CTNNA2: variants seen among roughly 807,000 people sequenced by gnomAD.
The protein encoded by CTNNA2 is catenin alpha 2.
In CTNNA2, 42 loss-of-function variants were observed where a neutral mutation model predicts 101.0. That is an observed-to-expected ratio of 0.42 (90% CI 0.32 to 0.54). The LOEUF is 0.54. CTNNA2 is among the 20% of genes least tolerant of loss of function. The pLI, the probability that CTNNA2 is intolerant of heterozygous loss-of-function variation, is 0.14. For missense variants in CTNNA2, 871 were observed against 1,223.1 expected (o/e 0.71, Z 4.29); for synonymous variants, 450 against 456.4 (o/e 0.99, Z 0.18).
chr2:80,555,994 T>C lies in CTNNA2; in HGVS notation c.1741+101T>C, dbSNP rs977020295. On this transcript the variant is annotated intron_variant, in intron 12 of 18. Transcript: ENST00000402739. ...TGATTTCTGTAGGCCTTTATGCTTC[T>C]AAATTGCACATAATTGTGGAATGGG... 2.1e-5 allele frequency: 16 copies of C among 774,008 alleles called. No individual in the cohort carries two copies. In the African/African-American group the frequency reaches 2.3e-4, roughly 11 times the overall value. 47.9% of individuals were successfully genotyped at this position (774,008 alleles called of 1,614,324 possible). A position where few individuals can be genotyped will look rare whatever the true frequency, so the allele number is the denominator to read the frequency against.
intron 7 of CTNNA2, among the ~76,000 whole-genome samples, chr2:79,981,806 A>G (rs577420098): frequency 1.3e-4 from 20 of 152,228 alleles, no homozygotes; most frequent in African/African-American, 4.6e-4. Context: ...ATACCTAACT[A>G]ATGTATGTCC....
intron 4 of CTNNA2, among the ~76,000 whole-genome samples, chr2:79,499,939 C>T (rs529508932): frequency 7.9e-5 from 12 of 152,228 alleles, no homozygotes; most frequent in Non-Finnish European, 1.8e-4. Context: ...AGACCCAGGA[C>T]AGCCGACGGT....
chr2:79,591,951 A>G (rs1208998686), intron 1 of CTNNA2, among the ~76,000 whole-genome samples: 1 of 123,108 alleles, frequency 8.1e-6, no homozygotes, highest in African/African-American at 3.3e-5. Flanking sequence ...TGTCTTTTTT[A>G]CATTCATTTA....
chr2:80,185,446 G>T (rs1190440358), intron 7 of CTNNA2, among the ~76,000 whole-genome samples: 1 of 152,144 alleles, frequency 6.6e-6, no homozygotes, highest in Admixed American at 6.5e-5. Flanking sequence ...CTCAGGAAAA[G>T]GAATTGCAAA....
chr2:80,426,300 T>C (rs1478895546), intron 9 of CTNNA2, among the ~76,000 whole-genome samples: 2 of 152,136 alleles, frequency 1.3e-5, no homozygotes, highest in Admixed American at 1.3e-4. Flanking sequence ...GTAATTTGGG[T>C]ACAAAATATG....
At chr2:79,393,209 G>A (rs751015395) in intron 4 of CTNNA2, among the ~76,000 whole-genome samples, 31 of 152,258 alleles carry the variant, frequency 2.0e-4, no homozygotes, top group Non-Finnish European at 3.8e-4. Context: ...ATCAAAGGAG[G>A]CCACTCATGA....
rs181691407 is a variant in CTNNA2, at chr2:80,520,755, G to A, written c.1291-24227G>A. ...GGGTTTCCACATACTAATTTTGGGG[G>A]TATTGTACTGAGAGACTCTAAAGAG... On this transcript the variant is annotated intron_variant, in intron 9 of 18. Coordinates refer to ENST00000402739, the MANE Select transcript of CTNNA2 (RefSeq NM_001282597.3). 2.6e-5 allele frequency among the ~76,000 whole-genome samples: 4 copies of A among 152,274 alleles called. No homozygotes were observed. In the South Asian group the frequency reaches 8.3e-4, roughly 32 times the overall value.
intron 1 of CTNNA2, among the ~76,000 whole-genome samples, chr2:79,615,571 G>A (rs764270548): frequency 3.5e-4 from 53 of 152,154 alleles, no homozygotes; most frequent in Admixed American, 4.6e-4. Context: ...CCTGATAGGA[G>A]GGAACTGTTT....
At chr2:79,229,438 T>A (rs1450935418) in intron 2 of CTNNA2, among the ~76,000 whole-genome samples, 2 of 152,186 alleles carry the variant, frequency 1.3e-5, no homozygotes, top group Non-Finnish European at 1.5e-5. Flanking sequence ...TGTTTCCTCC[T>A]CATTCTCTCT....
intron 7 of CTNNA2, among the ~76,000 whole-genome samples, chr2:80,146,850 GAGTAACTGGGATTACAGGTTCCCACCAA>G (rs1176417892): frequency 6.9e-5 from 10 of 145,312 alleles, no homozygotes; most frequent in Non-Finnish European, 1.4e-4. Context: ...TCAGCCTCCC[GAGTAACTGGGATTACAGGTTCCCACCAA>G]AGTAACTGGG....
intron 7 of CTNNA2, among the ~76,000 whole-genome samples, chr2:80,328,809 A>G (rs1238316226): frequency 6.6e-6 from 1 of 152,212 alleles, no homozygotes; most frequent in Non-Finnish European, 1.5e-5. Context: ...CCTAGATGGT[A>G]TGTATTTTTT....
intron 9 of CTNNA2, among the ~76,000 whole-genome samples, chr2:80,499,305 G>A (rs1452979951): frequency 6.6e-6 from 1 of 152,156 alleles, no homozygotes; most frequent in African/African-American, 2.4e-5. Flanking sequence ...GTGATGTGCT[G>A]TATCTATGCT....
chr2:79,892,143 A>AT (rs1231470910), intron 6 of CTNNA2, among the ~76,000 whole-genome samples: 1 of 152,120 alleles, frequency 6.6e-6, no homozygotes, highest in Non-Finnish European at 1.5e-5. Context: ...TTTATTTTAC[A>AT]TTTTTACATC....
intron 13 of CTNNA2, chr2:80,579,151 C>T (rs1002924554): frequency 2.6e-5 from 4 of 152,088 alleles, no homozygotes; most frequent in African/African-American, 9.7e-5. Context: ...ACATGCAGGT[C>T]CCCTGAGTCC....
intron 2 of CTNNA2, among the ~76,000 whole-genome samples, chr2:79,240,510 C>T (rs1674613379): frequency 6.6e-6 from 1 of 152,078 alleles, no homozygotes; most frequent in African/African-American, 2.4e-5. Flanking sequence ...AGGATAATGA[C>T]CTCCAGCTCC....
At chr2:80,642,134 G>A (rs182725820) in intron 18 of CTNNA2, among the ~76,000 whole-genome samples, 1 of 152,208 alleles carries the variant, frequency 6.6e-6, no homozygotes, top group Admixed American at 6.5e-5. Flanking sequence ...CGCAATCTAG[G>A]TTGAGAGCAT....
At chr2:80,614,654 G>T (rs980693736) in intron 17 of CTNNA2, among the ~76,000 whole-genome samples, 2 of 151,336 alleles carry the variant, frequency 1.3e-5, no homozygotes, top group Non-Finnish European at 3.0e-5. Flanking sequence ...AGAATAGTCT[G>T]ATTTCATTCC....
At chr2:80,156,708 G>C (rs148391792) in intron 7 of CTNNA2, among the ~76,000 whole-genome samples, 1 of 152,356 alleles carries the variant, frequency 6.6e-6, no homozygotes, top group African/African-American at 2.4e-5. Context: ...ACTATCTGCA[G>C]ACTCAGCACA....
At chr2:79,575,481 C>T (rs1675735179) in intron 1 of CTNNA2, 1 of 152,024 alleles carries the variant, frequency 6.6e-6, no homozygotes, top group African/African-American at 2.4e-5. Flanking sequence ...CTTTTGATCT[C>T]GTTGCTATAG....
Sources: gnomAD v4.1 joint callset for allele counts (sites outside exome capture counted in the v4.1 genomes callset) on GRCh38, gnomAD v4.1.1 for gene constraint, MANE v1.5 for transcripts, NCBI Gene and HGNC (gene_info 2026-07-23, HGNC 2026-07-21) for gene names.